Variants in OSBPL9 observed in about 807,000 individuals in gnomAD.
OSBPL9 encodes the protein oxysterol-binding protein-related protein 9.
In OSBPL9, 40 loss-of-function variants were observed where a neutral mutation model predicts 106.6. That is an observed-to-expected ratio of 0.38 (90% CI 0.29 to 0.49). The LOEUF is 0.49. Ranked by LOEUF, OSBPL9 falls within the 20% of genes least tolerant of loss-of-function variation. The pLI, the probability that OSBPL9 is intolerant of heterozygous loss-of-function variation, is 0.97. For missense variants in OSBPL9, 609 were observed against 887.2 expected, an observed-to-expected ratio of 0.69 and a Z score of 3.98; for synonymous variants, 269 against 295.4, an observed-to-expected ratio of 0.91 and a Z score of 0.92.
At chr1:51,700,853 T>C (rs1472032145) in intron 3 of OSBPL9, among the ~76,000 whole-genome samples, 1 of 152,338 alleles carries the variant, frequency 6.6e-6, no homozygotes, top group Non-Finnish European at 1.5e-5. Flanking sequence ...TTTTAGCCAT[T>C]AGTGGATCTT....
At chr1:51,759,654 G>A (rs1671084173) in intron 9 of OSBPL9, 1 of 152,106 alleles carries the variant, frequency 6.6e-6, no homozygotes, top group Non-Finnish European at 1.5e-5. Context: ...ACTTTGCTGT[G>A]GCAAAGACTT....
intron 2 of OSBPL9, among the ~76,000 whole-genome samples, chr1:51,654,667 C>T (rs1431965440): frequency 6.6e-6 from 1 of 152,022 alleles, no homozygotes; most frequent in Non-Finnish European, 1.5e-5. Context: ...AAGTGGCCAT[C>T]CACTGATGAA....
chr1:51,705,582 A>T (rs1035893614), intron 3 of OSBPL9, among the ~76,000 whole-genome samples: 4 of 150,172 alleles, frequency 2.7e-5, no homozygotes, highest in South Asian at 2.1e-4. Context: ...CACCCAGCTA[A>T]TTTTGTATTT....
rs1042215391 is a variant in OSBPL9 at position 51,599,489 on chromosome 1, T to A, written c.-353+1296T>A. On this transcript the variant is annotated intron_variant, in intron 2 of 25. Transcript: ENST00000371714. ...GAATGTTAAATGAATAGATGAATTT[T>A]AAAAAAATTATTATATACATATTTA... Among the ~76,000 whole-genome samples, 6 of 152,026 alleles carry A rather than the reference T, an allele frequency of 3.9e-5. No homozygotes were observed. The South Asian group carries it at 6.2e-4, about 16-fold the overall frequency.
At chr1:51,677,645 G>A (rs1054677121) in intron 3 of OSBPL9, among the ~76,000 whole-genome samples, 3 of 151,816 alleles carry the variant, frequency 2.0e-5, no homozygotes, top group East Asian at 1.9e-4. Flanking sequence ...TCCGCCTACC[G>A]GGTTCAAGCA....
intron 1 of OSBPL9, among the ~76,000 whole-genome samples, chr1:51,617,867 G>A (rs1195663089): frequency 2.0e-5 from 3 of 152,202 alleles, no homozygotes; most frequent in Non-Finnish European, 4.4e-5. Flanking sequence ...CGAGACTCTT[G>A]TCAGCGAAGA....
intron 1 of OSBPL9, among the ~76,000 whole-genome samples, chr1:51,621,970 GTC>G (rs1408859541): frequency 2.0e-5 from 3 of 151,736 alleles, no homozygotes; most frequent in Non-Finnish European, 2.9e-5. Flanking sequence ...ATGTTAGCTT[GTC>G]TCTCTATGAT....
chr1:51,655,163 T>A (rs1646743231), intron 2 of OSBPL9, among the ~76,000 whole-genome samples: 1 of 152,228 alleles, frequency 6.6e-6, no homozygotes, highest in South Asian at 2.1e-4. Flanking sequence ...TGTTGGGTTT[T>A]GTGCTTAAGG....
chr1:51,589,419 C>T (rs1437978185), intron 1 of OSBPL9, among the ~76,000 whole-genome samples: 1 of 152,056 alleles, frequency 6.6e-6, no homozygotes, highest in African/African-American at 2.4e-5. Context: ...GAATAATGCA[C>T]ATTAATTGAG....
At chr1:51,707,113 T>C in intron 3 of OSBPL9, 1 of 327,550 alleles carries the variant, frequency 3.1e-6, no homozygotes, top group Non-Finnish European at 6.3e-6. Flanking sequence ...GTGCTCTTGC[T>C]GGAGCTGGTG....
At chr1:51,659,956 G>T (rs923176000) in intron 2 of OSBPL9, among the ~76,000 whole-genome samples, 15 of 152,006 alleles carry the variant, frequency 9.9e-5, no homozygotes, top group Non-Finnish European at 2.1e-4. Flanking sequence ...TAATTAAAAT[G>T]GTATGGTGGT....
At chr1:51,649,736 C>CT (rs71578080) in intron 1 of OSBPL9, among the ~76,000 whole-genome samples, 9,649 of 96,902 alleles carry the variant, frequency 0.1, 760 homozygotes, top group African/African-American at 0.2. Context: ...ACATGTTAGT[C>CT]TTTTTTTTTT....
At position 51,729,484 on chromosome 1, in the gene OSBPL9, C is replaced by T. The variant is rs1663782579; in HGVS notation, c.318+15405C>T. 1 of 152,712 alleles carries T rather than the reference C, an allele frequency of 6.5e-6. No individual in the cohort carries two copies. Among genetic ancestry groups the T allele is most frequent in the African/African-American group, 2.4e-5 (1 of 41,482 alleles). 9.5% of individuals were successfully genotyped at this position (152,712 alleles called of 1,614,324 possible). A position where few individuals can be genotyped will look rare whatever the true frequency, so the allele number is the denominator to read the frequency against. On this transcript the variant is annotated intron_variant, in intron 4 of 23. Transcript: ENST00000428468. This position sits in a 1 kb window ranked among gnomAD's most constrained non-coding sequence, Gnocchi z 5.1. The stretch of plus-strand genomic sequence containing the variant: ...CTGAGCGTCCCAGAGCGCAACCTCC[C>T]TTTCCCCCAGCAGCGCCGGCGCCGC...
intron 3 of OSBPL9, among the ~76,000 whole-genome samples, chr1:51,702,273 A>G (rs2148856783): frequency 6.6e-6 from 1 of 152,276 alleles, no homozygotes; most frequent in African/African-American, 2.4e-5. Flanking sequence ...AACAGTGTAA[A>G]AGTGTTTCTA....
upstream of OSBPL9, chr1:51,577,156 C>T (rs1364165600): frequency 6.6e-6 from 1 of 152,096 alleles, no homozygotes; most frequent in East Asian, 1.9e-4. Flanking sequence ...TGTGACGTAC[C>T]TGCTCCCTCT....
chr1:51,590,686 C>T (rs1645270747), intron 1 of OSBPL9, among the ~76,000 whole-genome samples: 1 of 149,744 alleles, frequency 6.7e-6, no homozygotes, highest in African/African-American at 2.5e-5. Context: ...TGAAGGTACA[C>T]TCAATTAAAC....
the OSBPL9 span, among the ~76,000 whole-genome samples, chr1:51,542,376 C>T: frequency 3.9e-5 from 6 of 152,188 alleles, no homozygotes; most frequent in South Asian, 2.1e-4. Context: ...TAGACTCCCA[C>T]GCAAGGTCTC....
chr1:51,532,984 T>C, the OSBPL9 span, among the ~76,000 whole-genome samples: 1 of 152,154 alleles, frequency 6.6e-6, no homozygotes, highest in Non-Finnish European at 1.5e-5. Flanking sequence ...TATTAAATGG[T>C]AATTGGTAAT....
chr1:51,569,503 T>C, the OSBPL9 span: 1 of 152,196 alleles, frequency 6.6e-6, no homozygotes, highest in Admixed American at 6.5e-5. Flanking sequence ...GTGGCTGTCA[T>C]TAGGACCTAA....
Sources: gnomAD v4.1 joint callset for allele counts (sites outside exome capture counted in the v4.1 genomes callset) on GRCh38, gnomAD v4.1.1 for gene constraint, Gnocchi (gnomAD v3.1) non-coding constraint, MANE v1.5 for transcripts, NCBI Gene and HGNC (gene_info 2026-07-23, HGNC 2026-07-21) for gene names.